BOC: variants seen among roughly 807,000 people sequenced by gnomAD.
The protein encoded by BOC is brother of CDO.
BOC carries 76 observed loss-of-function variants against 112.0 expected under a neutral mutation model. The observed-to-expected ratio is 0.68, with a 90% confidence interval of 0.56 to 0.82. The LOEUF is 0.82. Among genes scored for constraint, BOC ranks in the 40% least tolerant of loss-of-function variants. The pLI, the probability that BOC is intolerant of heterozygous loss-of-function variation, is 0.00. For missense variants in BOC, 1,309 were observed against 1,511.7 expected, an observed-to-expected ratio of 0.87 and a Z score of 2.22; for synonymous variants, 580 against 599.8, an observed-to-expected ratio of 0.97 and a Z score of 0.48.
At chr3:113,229,160 C>CCT (rs1942183933) in intron 2 of BOC, among the ~76,000 whole-genome samples, 1 of 152,200 alleles carries the variant, frequency 6.6e-6, no homozygotes, top group Admixed American at 6.5e-5. Context: ...TGAAAATCGA[C>CCT]TCCTTCGGGA....
chr3:113,243,573 G>A (rs755934283), intron 2 of BOC, among the ~76,000 whole-genome samples: 4 of 152,106 alleles, frequency 2.6e-5, no homozygotes, highest in South Asian at 2.1e-4. Flanking sequence ...ATGTTTGCCC[G>A]GAATATTTCA....
At chr3:113,282,804 C>T (rs1055511788) in intron 15 of BOC, among the ~76,000 whole-genome samples, 3 of 151,840 alleles carry the variant, frequency 2.0e-5, no homozygotes, top group East Asian at 3.9e-4. Flanking sequence ...GGACAGAGTC[C>T]GAAAGCCGGG....
chr3:113,213,120 C>T (rs1938574157), intron 1 of BOC, among the ~76,000 whole-genome samples: 1 of 152,156 alleles, frequency 6.6e-6, no homozygotes, highest in Admixed American at 6.5e-5. Context: ...AATACCGAAA[C>T]CACACACCAG....
At chr3:113,282,875 T>G (rs1353405484) in intron 15 of BOC, among the ~76,000 whole-genome samples, 1 of 151,918 alleles carries the variant, frequency 6.6e-6, no homozygotes, top group Non-Finnish European at 1.5e-5. Flanking sequence ...AAAGCTAAAG[T>G]GAGGAGCTGA....
chr3:113,224,092 T>C (rs1941234875), intron 2 of BOC, among the ~76,000 whole-genome samples: 1 of 152,220 alleles, frequency 6.6e-6, no homozygotes. Flanking sequence ...TTTACTTGCT[T>C]TGGAGCTGCG....
In BOC at chr3:113,278,385, A is replaced by G. The variant is rs1319249632; in HGVS notation, c.1705+128A>G. 37 of 1,124,114 alleles carry G rather than the reference A, an allele frequency of 3.3e-5. No individual in the cohort carries two copies. The South Asian group carries it at 5.6e-4, about 17-fold the overall frequency. 69.6% of individuals were successfully genotyped at this position (1,124,114 alleles called of 1,614,324 possible). A position where few individuals can be genotyped will look rare whatever the true frequency, so the allele number is the denominator to read the frequency against. On this transcript the variant is annotated intron_variant, in intron 10 of 19. Coordinates refer to ENST00000682979, the MANE Select transcript of BOC (RefSeq NM_001378074.1). This position sits in a 1 kb window ranked among gnomAD's most constrained non-coding sequence, Gnocchi z 4.2. The stretch of plus-strand genomic sequence containing the variant: ...TTGAACTTCATCTTTCCTTCCAGCT[A>G]CTGCCTCCTTGTGGTTTGTGTGCTA...
intron 18 of BOC, 128 bp downstream of exon 18, chr3:113,284,986 A>G: frequency 1.3e-6 from 1 of 786,320 alleles, no homozygotes. Flanking sequence ...GTGACTGACA[A>G]TCATGCTCCT....
intron 2 of BOC, among the ~76,000 whole-genome samples, chr3:113,230,107 C>A (rs1011450504): frequency 4.6e-5 from 7 of 152,114 alleles, no homozygotes; most frequent in African/African-American, 1.7e-4. Flanking sequence ...ATGAGAGAAC[C>A]TAGGTTAAGA....
intron 2 of BOC, among the ~76,000 whole-genome samples, chr3:113,220,946 G>A (rs569877516): frequency 1.3e-5 from 2 of 152,210 alleles, no homozygotes; most frequent in Non-Finnish European, 2.9e-5. Context: ...ATTAGAAGAA[G>A]GGTGGAGTGC....
intron 4 of BOC, among the ~76,000 whole-genome samples, chr3:113,257,726 C>T (rs184317804): frequency 4.9e-4 from 75 of 152,304 alleles, no homozygotes; most frequent in African/African-American, 1.6e-3. Context: ...AATTAACAAT[C>T]TACCTCTTTA....
intron 2 of BOC, among the ~76,000 whole-genome samples, chr3:113,231,274 A>T (rs1215682900): frequency 8.5e-5 from 13 of 152,214 alleles, no homozygotes; most frequent in Non-Finnish European, 1.6e-4. Flanking sequence ...AGGTATTTAA[A>T]GCTAAAAGGG....
chr3:113,234,558 A>G (rs1669464955), intron 2 of BOC, among the ~76,000 whole-genome samples: 1 of 152,188 alleles, frequency 6.6e-6, no homozygotes, highest in South Asian at 2.1e-4. Context: ...GTCAAAGCTG[A>G]TGGGGGCTAG....
At position 113,286,672 on chromosome 3, in the gene BOC, CA is replaced by C; in HGVS notation, c.3161-2del. The C allele has an allele frequency of 6.4e-7, 1 of 1,568,768 alleles. No homozygotes were observed. Among genetic ancestry groups the C allele is most frequent in the African/African-American group, 1.4e-5 (1 of 72,662 alleles). On this transcript the variant is annotated splice_acceptor_variant, in intron 19 of 19. Transcript: ENST00000682979. LOFTEE classifies it high-confidence loss of function. ...TAATGGTTCCTACTCTTTCTCCCCT[CA>C]GGGCCCCCATGCTGCTTGGGCCTTG...
Position 113,274,820 on chromosome 3 carries a change from C to T in BOC, c.1542+138C>T. 3.4e-6 allele frequency: 3 copies of T among 882,008 alleles called. No homozygotes were observed. The highest frequency in any genetic ancestry group is 5.0e-6 in the Non-Finnish European group (3 of 599,908). 54.6% of individuals were successfully genotyped at this position (882,008 alleles called of 1,614,324 possible). On this transcript the variant is annotated intron_variant, in intron 9 of 19. Coordinates refer to ENST00000682979, the MANE Select transcript of BOC (RefSeq NM_001378074.1). The surrounding 1 kb of genome is among the most constrained non-coding windows in gnomAD (Gnocchi z 4.8). Reference sequence around the variant, plus strand: ...AATCCCCACCACTAAACAGGCCCTTCTGTCTCCTCCAGTGTCCATCCCTGC... The same window carrying T: ...AATCCCCACCACTAAACAGGCCCTTTTGTCTCCTCCAGTGTCCATCCCTGC...
intron 2 of BOC, among the ~76,000 whole-genome samples, chr3:113,245,613 TTCTTAC>T (rs1404373343): frequency 1.3e-5 from 2 of 152,212 alleles, no homozygotes; most frequent in East Asian, 3.8e-4. Flanking sequence ...GGAAAGGTGA[TTCTTAC>T]TCTAGAAAAC....
chr3:113,241,471 C>T (rs1353126966), intron 2 of BOC, among the ~76,000 whole-genome samples: 1 of 152,164 alleles, frequency 6.6e-6, no homozygotes, highest in East Asian at 1.9e-4. Flanking sequence ...CAGCCCCCAA[C>T]ACCACCATGG....
At position 113,268,444 on chromosome 3, in the gene BOC, A is replaced by G. The variant is rs144251369; in HGVS notation, c.522A>G (p.Arg174=). The G allele has an allele frequency of 1.7e-5, 28 of 1,613,546 alleles. No homozygotes were observed. The highest frequency in any genetic ancestry group is 2.3e-5 in the Non-Finnish European group (27 of 1,179,862). ...AACAAGAGTGGCTGGAGGCCTCCAG[A>G]GGTGAGTGGGCAGGAGCCCAGAGGC... ...SVKQEWLEAS[R]GNYLIMPSGN... Residue 174 remains arginine, a splice_region_variant and synonymous_variant, in exon 5 of 20, where the codon AGA becomes AGG. Transcript: ENST00000682979.
In BOC at chr3:113,279,808, G is replaced by T. The variant is rs368838724; in HGVS notation, c.2024-16G>T. ...ATTTCCCAGCTCCTGAGTTCAGTGA[G>T]TGTCCCTCTCACCAGGCACCTCCTA... is the stretch of plus-strand genomic sequence containing the variant. On this transcript the variant is annotated splice_polypyrimidine_tract_variant and intron_variant, in intron 12 of 19. Transcript: ENST00000682979. The T allele has an allele frequency of 5.7e-6, 9 of 1,592,528 alleles. No homozygotes were observed. In the South Asian group the frequency reaches 1.0e-4, roughly 18 times the overall value.
At chr3:113,239,206 GTTTTT>G (rs958533220) in intron 2 of BOC, among the ~76,000 whole-genome samples, 2 of 142,564 alleles carry the variant, frequency 1.4e-5, no homozygotes, top group African/African-American at 2.4e-5. Context: ...ATCTTCACCT[GTTTTT>G]TTTAAGTGGG....
Sources: allele counts gnomAD v4.1 joint callset (sites outside exome capture counted in the v4.1 genomes callset), GRCh38; gene constraint gnomAD v4.1.1; non-coding constraint Gnocchi (gnomAD v3.1); transcripts MANE v1.5; gene names NCBI Gene and HGNC (gene_info 2026-07-23, HGNC 2026-07-21).